Variants in BTBD9 observed in about 807,000 individuals in gnomAD.
BTBD9 encodes the protein BTB/POZ domain-containing protein 9.
BTBD9 carries 49 observed loss-of-function variants against 64.3 expected under a neutral mutation model. The ratio of observed to expected loss-of-function variants is 0.76; its 90% CI spans 0.61 to 0.97. BTBD9 has a LOEUF of 0.97. Ranked by LOEUF, BTBD9 falls within the 50% of genes least tolerant of loss-of-function variation. BTBD9 has a pLI of 0.00. For synonymous variants in BTBD9, 260 were observed against 274.7 expected (o/e 0.95, Z 0.53); for missense variants, 598 against 762.1 (o/e 0.78, Z 2.53).
At chr6:38,402,996 C>A in intron 6 of BTBD9, 1 of 452,730 alleles carries the variant, frequency 2.2e-6, no homozygotes, top group South Asian at 2.1e-5. Context: ...TTGCTTAAGC[C>A]TGGGACACAG....
chr6:38,211,528 A>C (rs1362890397), intron 9 of BTBD9, among the ~76,000 whole-genome samples: 4 of 152,122 alleles, frequency 2.6e-5, no homozygotes, highest in African/African-American at 9.7e-5. Flanking sequence ...GGATCACTTG[A>C]ACCCAGGAGT....
At chr6:38,328,024 A>C (rs1342686629) in intron 7 of BTBD9, among the ~76,000 whole-genome samples, 1 of 152,242 alleles carries the variant, frequency 6.6e-6, no homozygotes, top group Non-Finnish European at 1.5e-5. Context: ...CCTCACTTAA[A>C]GTAGGCAATG....
intron 6 of BTBD9, among the ~76,000 whole-genome samples, chr6:38,513,798 G>C (rs528635101): frequency 1.3e-5 from 2 of 152,276 alleles, no homozygotes; most frequent in African/African-American, 4.8e-5. Flanking sequence ...GAGGAAGGCT[G>C]TCTGTGCGTA....
intron 1 of BTBD9, among the ~76,000 whole-genome samples, chr6:38,622,377 G>C (rs1240036271): frequency 6.6e-6 from 1 of 152,198 alleles, no homozygotes; most frequent in African/African-American, 2.4e-5. Flanking sequence ...AGTGGTTAAA[G>C]TCCTAATTCA....
intron 9 of BTBD9, among the ~76,000 whole-genome samples, chr6:38,240,074 G>C (rs1763941792): frequency 6.6e-6 from 1 of 152,320 alleles, no homozygotes; most frequent in Middle Eastern, 3.4e-3. Context: ...CCATCTCTGG[G>C]AAGATCTGAG....
rs910974182 is a variant in BTBD9, at chr6:38,469,357, C to T, written c.1154+108243G>A. Among the ~76,000 whole-genome samples, 7 of 133,900 alleles carry T rather than the reference C, an allele frequency of 5.2e-5. No homozygotes were observed. In the East Asian group the frequency reaches 8.8e-4, roughly 17 times the overall value. 87.8% of individuals were successfully genotyped at this position (133,900 alleles called of 152,430 possible). On this transcript the variant is annotated intron_variant, in intron 6 of 10. Coordinates refer to ENST00000481247, the MANE Select transcript of BTBD9 (RefSeq NM_001099272.2). ...TTTTTTTGAGACAGTCTCGCTCTGT[C>T]GCCCAGGCTGGAGTGCAGTGGCATG...
chr6:38,462,848 G>C lies in BTBD9; in HGVS notation c.1154+114752C>G, dbSNP rs944319364. 2.0e-5 allele frequency among the ~76,000 whole-genome samples: 3 copies of C among 152,096 alleles called. No individual in the cohort carries two copies. The East Asian group carries it at 5.8e-4, about 29-fold the overall frequency. The stretch of plus-strand genomic sequence containing the variant: ...GGGTCTCACTCTGTCGCCCAGGCTG[G>C]AGTGCAGTGGCGCCATCTCAGCTTA... On this transcript the variant is annotated intron_variant, in intron 6 of 10. Transcript: ENST00000481247.
chr6:38,300,135 C>T (rs976749379), intron 7 of BTBD9, among the ~76,000 whole-genome samples: 21 of 152,032 alleles, frequency 1.4e-4, no homozygotes, highest in Admixed American at 9.8e-4. Flanking sequence ...CATTGCTTGT[C>T]TTTGTCAGGT....
intron 7 of BTBD9, among the ~76,000 whole-genome samples, chr6:38,298,309 T>A (rs918266202): frequency 5.9e-5 from 9 of 152,202 alleles, no homozygotes; most frequent in Admixed American, 5.9e-4. Context: ...ATCTCTAAAA[T>A]TAATAATTAT....
intron 1 of BTBD9, among the ~76,000 whole-genome samples, chr6:38,616,001 T>A (rs1015805690): frequency 8.5e-5 from 13 of 152,072 alleles, no homozygotes; most frequent in East Asian, 3.9e-4. Flanking sequence ...CCTGGAAATA[T>A]GATGGGATAG....
At chr6:38,420,772 C>G (rs1767866786) in intron 6 of BTBD9, among the ~76,000 whole-genome samples, 1 of 152,104 alleles carries the variant, frequency 6.6e-6, no homozygotes, top group Non-Finnish European at 1.5e-5. Flanking sequence ...AGGAGAATCA[C>G]TTGAACCTGA....
intron 1 of BTBD9, among the ~76,000 whole-genome samples, chr6:38,613,640 A>C (rs1405085850): frequency 6.6e-6 from 1 of 152,076 alleles, no homozygotes; most frequent in Non-Finnish European, 1.5e-5. Flanking sequence ...AAAAAAAAAA[A>C]TACAGCCCAT....
At chr6:38,494,300 T>C (rs1248201265) in intron 6 of BTBD9, among the ~76,000 whole-genome samples, 2 of 152,240 alleles carry the variant, frequency 1.3e-5, no homozygotes, top group Non-Finnish European at 2.9e-5. Context: ...CATTTTTCTA[T>C]TGCCAAATTT....
At chr6:38,623,505 C>T (rs1469785247) in intron 1 of BTBD9, among the ~76,000 whole-genome samples, 1 of 152,222 alleles carries the variant, frequency 6.6e-6, no homozygotes, top group Admixed American at 6.5e-5. Context: ...AGGAGTGACT[C>T]TCCAAAACCA....
At chr6:38,467,884 T>C (rs915327480) in intron 6 of BTBD9, among the ~76,000 whole-genome samples, 1 of 152,214 alleles carries the variant, frequency 6.6e-6, no homozygotes, top group Non-Finnish European at 1.5e-5. Flanking sequence ...CTTTCTTTCA[T>C]CTTTCCAAGT....
At chr6:38,557,665 T>C (rs1009249194) in intron 6 of BTBD9, among the ~76,000 whole-genome samples, 12 of 152,200 alleles carry the variant, frequency 7.9e-5, no homozygotes, top group Admixed American at 4.6e-4. Flanking sequence ...AACAAGGTAT[T>C]AGGATATCAC....
chr6:38,359,942 A>C (rs1582290388), intron 6 of BTBD9, among the ~76,000 whole-genome samples: 1 of 78,222 alleles, frequency 1.3e-5, no homozygotes, highest in Non-Finnish European at 2.5e-5. Context: ...AATGTTAGAC[A>C]AAAAAAAAAA....
At chr6:38,427,065 C>A (rs950243453) in intron 6 of BTBD9, among the ~76,000 whole-genome samples, 3 of 151,770 alleles carry the variant, frequency 2.0e-5, no homozygotes, top group Admixed American at 6.6e-5. Context: ...CCCTCCACAG[C>A]ACCCTGATAC....
At chr6:38,624,804 G>A (rs1778116448) in intron 1 of BTBD9, among the ~76,000 whole-genome samples, 1 of 152,044 alleles carries the variant, frequency 6.6e-6, no homozygotes, top group African/African-American at 2.4e-5. Flanking sequence ...TGTCCTATGA[G>A]GGGAGATTCC....
Sources: gnomAD v4.1 joint callset for allele counts (sites outside exome capture counted in the v4.1 genomes callset) on GRCh38, gnomAD v4.1.1 for gene constraint, MANE v1.5 for transcripts, NCBI Gene and HGNC (gene_info 2026-07-23, HGNC 2026-07-21) for gene names.